The following ADGRL3 variants were observed in gnomAD, a reference collection of about 807,000 sequenced individuals.
ADGRL3 encodes adhesion G protein-coupled receptor L3.
A neutral mutation model predicts 153.5 loss-of-function variants in ADGRL3; 62 were observed. The ratio of observed to expected loss-of-function variants is 0.40; its 90% CI spans 0.33 to 0.50. The LOEUF (loss-of-function observed/expected upper bound fraction) is 0.50, where lower values mean the gene tolerates loss of function less well. ADGRL3 is among the 20% of genes least tolerant of loss of function. ADGRL3 has a pLI of 0.47. For synonymous variants in ADGRL3, 710 were observed against 672.5 expected (o/e 1.06, Z -0.86); for missense variants, 1,641 against 1,859.4 (o/e 0.88, Z 2.16).
At chr4:61,313,007 T>C (rs573085437) in intron 1 of ADGRL3, among the ~76,000 whole-genome samples, 28 of 152,168 alleles carry the variant, frequency 1.8e-4, no homozygotes, top group Non-Finnish European at 4.1e-4. Flanking sequence ...AAGCAGACAG[T>C]GGTATATCCA....
chr4:61,256,848 A>C (rs1398618900), intron 1 of ADGRL3, among the ~76,000 whole-genome samples: 3 of 152,146 alleles, frequency 2.0e-5, no homozygotes, highest in Non-Finnish European at 2.9e-5. Flanking sequence ...TTAGTGGAAA[A>C]AGAATCTGTG....
intron 5 of ADGRL3, among the ~76,000 whole-genome samples, chr4:61,644,989 T>C (rs1316990232): frequency 6.6e-6 from 1 of 152,134 alleles, no homozygotes; most frequent in African/African-American, 2.4e-5. Context: ...TGCATATATA[T>C]TTAGGATAGT....
intron 17 of ADGRL3, among the ~76,000 whole-genome samples, chr4:61,971,505 G>T (rs1354586971): frequency 6.6e-6 from 1 of 152,076 alleles, no homozygotes; most frequent in African/African-American, 2.4e-5. Flanking sequence ...TTTTATGGCT[G>T]CATAGTATTC....
intron 4 of ADGRL3, among the ~76,000 whole-genome samples, chr4:61,521,352 A>G (rs2098529988): frequency 1.3e-5 from 2 of 152,206 alleles, no homozygotes; most frequent in African/African-American, 2.4e-5. Flanking sequence ...TAATTTCTAG[A>G]TATCAGTCTA....
At chr4:61,614,603 A>T (rs925848677) in intron 5 of ADGRL3, among the ~76,000 whole-genome samples, 14 of 152,150 alleles carry the variant, frequency 9.2e-5, no homozygotes, top group African/African-American at 2.7e-4. Flanking sequence ...CAAATCTAAT[A>T]GAGAAAGAAA....
At chr4:61,886,990 A>T (rs72638590) in intron 9 of ADGRL3, among the ~76,000 whole-genome samples, 3,743 of 151,550 alleles carry the variant, frequency 0.025, 66 homozygotes, top group Non-Finnish European at 0.038. Context: ...GAGACTATAG[A>T]CACCCACCAC....
chr4:61,402,124 C>A (rs1324122218), intron 2 of ADGRL3, among the ~76,000 whole-genome samples: 1 of 152,016 alleles, frequency 6.6e-6, no homozygotes, highest in Non-Finnish European at 1.5e-5. Context: ...CTTTGACTTT[C>A]TTCAACACTT....
At chr4:61,440,864 T>C (rs1412973225) in intron 2 of ADGRL3, among the ~76,000 whole-genome samples, 1 of 152,218 alleles carries the variant, frequency 6.6e-6, no homozygotes, top group Admixed American at 6.5e-5. Context: ...CTGTTTGATA[T>C]TGGAATATAT....
At chr4:61,952,902 G>A (rs369956384) in intron 17 of ADGRL3, among the ~76,000 whole-genome samples, 2 of 152,252 alleles carry the variant, frequency 1.3e-5, no homozygotes, top group East Asian at 1.9e-4. Context: ...GACCACTATT[G>A]TGTGTCAACA....
chr4:61,900,550 A>C (rs1302176563), intron 11 of ADGRL3, among the ~76,000 whole-genome samples: 3 of 152,194 alleles, frequency 2.0e-5, no homozygotes, highest in African/African-American at 7.2e-5. Context: ...TTAATAAAAA[A>C]CATAATTTGT....
intron 9 of ADGRL3, among the ~76,000 whole-genome samples, chr4:61,869,412 C>T (rs1399364382): frequency 3.3e-5 from 5 of 151,400 alleles, no homozygotes; most frequent in Non-Finnish European, 7.4e-5. Flanking sequence ...TCCTGGCTAA[C>T]AAGGTGAAAC....
intron 8 of ADGRL3, among the ~76,000 whole-genome samples, chr4:61,765,840 C>T (rs1054128543): frequency 3.3e-5 from 5 of 151,832 alleles, no homozygotes; most frequent in African/African-American, 7.3e-5. Flanking sequence ...AGGGAGGGGG[C>T]CTGAATAATC....
chr4:61,271,030 A>T (rs1423116002), intron 1 of ADGRL3, among the ~76,000 whole-genome samples: 4 of 151,778 alleles, frequency 2.6e-5, no homozygotes, highest in African/African-American at 7.2e-5. Context: ...ACCTTCCCTT[A>T]GAAAATGGTA....
intron 1 of ADGRL3, among the ~76,000 whole-genome samples, chr4:61,230,381 A>G (rs1180388731): frequency 6.6e-6 from 1 of 152,192 alleles, no homozygotes; most frequent in Non-Finnish European, 1.5e-5. Context: ...TAAGTGTTCC[A>G]CATGCTGCAG....
intron 2 of ADGRL3, among the ~76,000 whole-genome samples, chr4:61,477,294 T>G (rs553291530): frequency 6.6e-6 from 1 of 152,242 alleles, no homozygotes; most frequent in Middle Eastern, 3.4e-3. Flanking sequence ...AGGTGGTCCT[T>G]CCTATTTTAT....
At chr4:61,918,788 T>G (rs1182784080) in intron 13 of ADGRL3, among the ~76,000 whole-genome samples, 2 of 152,202 alleles carry the variant, frequency 1.3e-5, no homozygotes, top group Non-Finnish European at 2.9e-5. Flanking sequence ...TCTACATTAT[T>G]ACATGCAATA....
intron 8 of ADGRL3, among the ~76,000 whole-genome samples, chr4:61,743,202 C>G (rs1031746013): frequency 1.3e-5 from 2 of 151,268 alleles, no homozygotes; most frequent in Admixed American, 1.3e-4. Context: ...TGCCTGTAGT[C>G]CTAGCTACTC....
chr4:61,334,280 G>A (rs913941087), intron 1 of ADGRL3, among the ~76,000 whole-genome samples: 1 of 152,026 alleles, frequency 6.6e-6, no homozygotes, highest in Non-Finnish European at 1.5e-5. Flanking sequence ...CTCTATCCAA[G>A]GGTTAGAATA....
At chr4:61,355,998 G>A (rs900420347) in intron 1 of ADGRL3, among the ~76,000 whole-genome samples, 13 of 151,990 alleles carry the variant, frequency 8.6e-5, no homozygotes, top group South Asian at 4.2e-4. Context: ...ATCCATATAC[G>A]GTAGGGATGC....
Sources: allele counts gnomAD v4.1 joint callset (sites outside exome capture counted in the v4.1 genomes callset), GRCh38; gene constraint gnomAD v4.1.1; transcripts MANE v1.5; gene names NCBI Gene and HGNC (gene_info 2026-07-23, HGNC 2026-07-21).